The following CES5A variants were observed in gnomAD, a reference collection of about 807,000 sequenced individuals.
CES5A encodes carboxylesterase 5A, also known as carboxylesterase 5.
CES5A carries 67 observed loss-of-function variants against 62.9 expected under a neutral mutation model. That is an observed-to-expected ratio of 1.07 (90% CI 0.88 to 1.31). The LOEUF (loss-of-function observed/expected upper bound fraction) is 1.31, where lower values mean the gene tolerates loss of function less well. CES5A is among the 50% of genes most tolerant of loss of function. CES5A has a pLI of 0.00. For missense variants in CES5A, 748 were observed against 708.5 expected, an observed-to-expected ratio of 1.06 and a Z score of -0.63; for synonymous variants, 296 against 280.8, an observed-to-expected ratio of 1.05 and a Z score of -0.54.
intron 2 of CES5A, among the ~76,000 whole-genome samples, chr16:55,940,865 A>T (rs565704677): frequency 6.6e-6 from 1 of 151,892 alleles, no homozygotes; most frequent in Non-Finnish European, 1.5e-5. Flanking sequence ...AAATCAATCA[A>T]TGTAATCTAC....
rs766019118 is a variant in CES5A, at chr16:55,874,050, A to C, written c.74-13T>G. 1 of 1,588,016 alleles carries C rather than the reference A, an allele frequency of 6.3e-7. No individual in the cohort carries two copies. The highest frequency in any genetic ancestry group is 8.6e-7 in the Non-Finnish European group (1 of 1,167,540). The stretch of plus-strand genomic sequence containing the variant: ...TCAGCAGAAGGCCCTGCGGGAACAC[A>C]TGGGAGGAATCAGGAGCAGGCTGGG... On this transcript the variant is annotated splice_polypyrimidine_tract_variant and intron_variant, in intron 1 of 12. Coordinates refer to ENST00000290567, the MANE Select transcript of CES5A (RefSeq NM_001143685.2).
At chr16:55,913,277 C>G (rs185605318) in intron 1 of CES5A, among the ~76,000 whole-genome samples, 492 of 152,116 alleles carry the variant, frequency 3.2e-3, no homozygotes, top group Non-Finnish European at 5.3e-3. Flanking sequence ...AATGGCAGAA[C>G]TGGTTGAGCC....
chr16:55,925,427 C>A (rs1315879559), exon 1 of CES5A: 1 of 151,930 alleles, frequency 6.6e-6, no homozygotes, highest in Non-Finnish European at 1.5e-5. Flanking sequence ...TGTAAATTAG[C>A]ACAGCCATTA....
At chr16:55,888,874 CT>C (rs1312808702) in intron 1 of CES5A, among the ~76,000 whole-genome samples, 2 of 152,212 alleles carry the variant, frequency 1.3e-5, no homozygotes, top group African/African-American at 4.8e-5. Context: ...GCTATTCGGC[CT>C]TTCCCACCAA....
chr16:55,867,696 T>A (rs2033492332), intron 4 of CES5A, among the ~76,000 whole-genome samples: 1 of 152,182 alleles, frequency 6.6e-6, no homozygotes, highest in African/African-American at 2.4e-5. Context: ...TATCTCAGCC[T>A]CGAGCACAGG....
At chr16:55,868,244 A>G (rs2033505975) in intron 4 of CES5A, among the ~76,000 whole-genome samples, 1 of 152,248 alleles carries the variant, frequency 6.6e-6, no homozygotes, top group Non-Finnish European at 1.5e-5. Flanking sequence ...TAGAGCAGCT[A>G]GAAGTGTAAT....
At chr16:55,949,789 A>G (rs1239718860) in exon 2 of CES5A, 11 of 1,458,868 alleles carry the variant, frequency 7.5e-6, no homozygotes, top group Non-Finnish European at 1.0e-5. Context: ...ACTCACCCTC[A>G]TCTTTGGAAG....
intron 10 of CES5A, among the ~76,000 whole-genome samples, chr16:55,851,012 A>C (rs1223237386): frequency 3.3e-5 from 5 of 152,238 alleles, no homozygotes; most frequent in African/African-American, 1.2e-4. Context: ...CAAAGACCTA[A>C]ATGTAAAACT....
rs11860946 is a variant in CES5A, at chr16:55,859,571, G to C, written c.1032C>G (p.His344Gln). The C allele has an allele frequency of 0.012, 19,971 of 1,613,250 alleles. 1,434 individuals are homozygous for C. The African/African-American group carries it at 0.18, about 15-fold the overall frequency. The change falls in exon 8 of 13, where the codon CAC becomes CAG. Residue 344 changes from histidine to glutamine, a missense_variant. Transcript: ENST00000290567. ...AIPSIIGVNN[H>Q]ECGFLLPMKE... ...CCATAGGCAGCAGGAAGCCACACTC[G>C]TGGTTATTGACTCCGATGATGGAAG... is the stretch of plus-strand genomic sequence containing the variant.
chr16:55,848,317 C>G (rs2033057863), intron 11 of CES5A, among the ~76,000 whole-genome samples: 1 of 151,836 alleles, frequency 6.6e-6, no homozygotes, highest in African/African-American at 2.4e-5. Flanking sequence ...GGGGGTCTTA[C>G]TATGTTTCCC....
upstream of CES5A, among the ~76,000 whole-genome samples, chr16:55,877,690 T>C (rs2033713383): frequency 1.3e-5 from 2 of 152,160 alleles, no homozygotes; most frequent in Non-Finnish European, 2.9e-5. Context: ...ACTTCATTTA[T>C]AGGATGCCTT....
upstream of CES5A, among the ~76,000 whole-genome samples, chr16:55,927,952 T>C (rs1390606756): frequency 6.6e-6 from 1 of 152,110 alleles, no homozygotes; most frequent in African/African-American, 2.4e-5. Flanking sequence ...TAAAAAAGAA[T>C]CATCTTTGAG....
chr16:55,861,373 G>GAT (rs747071117), intron 7 of CES5A, 39 bp downstream of exon 7: 18 of 1,162,292 alleles, frequency 1.5e-5, no homozygotes, highest in Non-Finnish European at 1.9e-5. Flanking sequence ...TCCGTTCGAA[G>GAT]GGCAAGCCTG....
upstream of CES5A, among the ~76,000 whole-genome samples, chr16:55,878,545 G>A (rs774629405): frequency 1.3e-5 from 2 of 151,540 alleles, no homozygotes; most frequent in African/African-American, 2.4e-5. Flanking sequence ...CCAAACTAAT[G>A]CCTCATTGCA....
At chr16:55,900,673 A>G (rs1597141482) in intron 1 of CES5A, among the ~76,000 whole-genome samples, 1 of 152,304 alleles carries the variant, frequency 6.6e-6, no homozygotes, top group East Asian at 1.9e-4. Context: ...TCCAGAGGGA[A>G]AAAAGCAAGT....
upstream of CES5A, among the ~76,000 whole-genome samples, chr16:55,879,023 C>T (rs1262109539): frequency 6.7e-6 from 1 of 149,944 alleles, no homozygotes; most frequent in Non-Finnish European, 1.5e-5. Flanking sequence ...ATCACTGCAC[C>T]CCATTGCTGC....
At chr16:55,886,388 T>A (rs1292390718) in intron 1 of CES5A, among the ~76,000 whole-genome samples, 1 of 152,074 alleles carries the variant, frequency 6.6e-6, no homozygotes, top group Admixed American at 6.5e-5. Flanking sequence ...TCTATGGGAG[T>A]GGGACAGTGT....
At chr16:55,865,850 TG>T (rs2033445467) in intron 5 of CES5A, 112 bp downstream of exon 5, 3 of 1,168,340 alleles carry the variant, frequency 2.6e-6, no homozygotes, top group Non-Finnish European at 3.8e-6. Flanking sequence ...AAAGACAATG[TG>T]TATTAAAGGG....
At chr16:55,863,138 T>A (rs1289554168) in intron 6 of CES5A, among the ~76,000 whole-genome samples, 1 of 152,036 alleles carries the variant, frequency 6.6e-6, no homozygotes, top group Non-Finnish European at 1.5e-5. Context: ...ACACACACAC[T>A]TGTGCACACC....
Sources: gnomAD v4.1 joint callset for allele counts (sites outside exome capture counted in the v4.1 genomes callset) on GRCh38, gnomAD v4.1.1 for gene constraint, MANE v1.5 for transcripts, NCBI Gene and HGNC (gene_info 2026-07-23, HGNC 2026-07-21) for gene names.